The following TMEM196 variants were observed in gnomAD, a reference collection of about 807,000 sequenced individuals.
TMEM196 encodes transmembrane protein 196.
A neutral mutation model predicts 20.0 loss-of-function variants in TMEM196; 17 were observed. That is an observed-to-expected ratio of 0.85 (90% CI 0.58 to 1.27). The LOEUF (loss-of-function observed/expected upper bound fraction) is 1.27. Among genes scored for constraint, TMEM196 ranks in the 50% most tolerant of loss-of-function variants. TMEM196 has a pLI of 0.00. For synonymous variants in TMEM196, 113 were observed against 88.9 expected (o/e 1.27, Z -1.52); for missense variants, 267 against 223.0 (o/e 1.20, Z -1.26).
At chr7:19,739,851 T>A (rs1421897424) in intron 1 of TMEM196, among the ~76,000 whole-genome samples, 1 of 152,194 alleles carries the variant, frequency 6.6e-6, no homozygotes, top group East Asian at 1.9e-4. Context: ...TACTGTTCGA[T>A]AATCTTGGCA....
intron 4 of TMEM196, 44 bp from the exon 5 acceptor site, chr7:19,722,178 T>C (rs777127666): frequency 1.3e-6 from 2 of 1,532,324 alleles, no homozygotes; most frequent in Non-Finnish European, 1.8e-6. Context: ...GCTTTTGGAG[T>C]AAGACATTGT....
chr7:19,773,614 G>A lies in TMEM196; in HGVS notation c.-918C>T, dbSNP rs1785980663. The A allele has an allele frequency of 5.9e-6, 1 of 169,230 alleles. No individual in the cohort carries two copies. Among genetic ancestry groups the A allele is most frequent in the Non-Finnish European group, 1.5e-5 (1 of 68,334 alleles). 10.5% of individuals were successfully genotyped at this position (169,230 alleles called of 1,614,324 possible). ...TTTCTGGGCTTCTATCCAGCGGAGA[G>A]GGGAGGCGATGCCTACGTCAACGCG... On this transcript the variant is annotated 5_prime_UTR_variant, in exon 1 of 5. Transcript: ENST00000405844.
chr7:19,745,843 G>C (rs756768590), intron 1 of TMEM196, among the ~76,000 whole-genome samples: 14 of 150,710 alleles, frequency 9.3e-5, no homozygotes, highest in African/African-American at 1.2e-4. Context: ...GTCCATTGGC[G>C]TATTCTATGG....
rs1783966277 is a variant in TMEM196 at position 19,725,553 on chromosome 7, C to A, written c.420G>T (p.Arg140Ser). ...SYEQRRMFSE[R>S]EHSLHHSHEM... is the part of the protein sequence containing the mutation. The stretch of plus-strand genomic sequence containing the variant: ...CATGAGAGTGATGCAGGGAATGCTC[C>A]CTTTCTGAGAACATCCTCCTCTGTT... The change falls in exon 3 of 5, where the codon AGG (arginine) becomes AGT (serine). Residue 140 changes from arginine to serine, a missense_variant. By Grantham distance (110) the Arg-to-Ser change is moderately radical (BLOSUM62 -1). Coordinates refer to ENST00000405844, the MANE Select transcript of TMEM196 (RefSeq NM_001363562.2). The A allele has an allele frequency of 6.2e-7, 1 of 1,613,384 alleles. No homozygotes were observed. Among genetic ancestry groups the A allele is most frequent in the Admixed American group, 1.7e-5 (1 of 59,978 alleles).
rs750431275 is a variant in TMEM196 at position 19,724,276 on chromosome 7, G to T, written c.533+4C>A. 6 of 1,550,090 alleles carry T rather than the reference G, an allele frequency of 3.9e-6. No homozygotes were observed. In the Admixed American group the frequency reaches 9.8e-5, roughly 25 times the overall value. The stretch of plus-strand genomic sequence containing the variant: ...ACATGGTAACTCCCTAGAAATCAGC[G>T]TACCTTGTAGGTAACTCTGGTGTCG... On this transcript the variant is annotated splice_donor_region_variant and intron_variant, in intron 4 of 4. Coordinates refer to ENST00000405844, the MANE Select transcript of TMEM196 (RefSeq NM_001363562.2).
chr7:19,728,787 C>T lies in TMEM196; in HGVS notation c.204+595G>A, dbSNP rs773112797. On this transcript the variant is annotated intron_variant, in intron 2 of 4. Transcript: ENST00000405844. ...TCAGCATGCAGTGTGGCTCATCCAGCCAATATCAGAGCTAACTGGGAGTGT... is the reference window on the plus strand; with the variant it reads ...TCAGCATGCAGTGTGGCTCATCCAGTCAATATCAGAGCTAACTGGGAGTGT... 1.5e-4 allele frequency among the ~76,000 whole-genome samples: 23 copies of T among 152,166 alleles called. 1 individual carries two copies. The highest frequency in any genetic ancestry group is 2.9e-4 in the Non-Finnish European group (20 of 68,012).
intron 2 of TMEM196, among the ~76,000 whole-genome samples, chr7:19,729,090 CAGATTGGAAAACTAG>C (rs1266253330): frequency 7.9e-5 from 12 of 152,130 alleles, no homozygotes; most frequent in Non-Finnish European, 7.3e-5. Context: ...TGGCAGTCTC[CAGATTGGAAAACTAG>C]AGACTGTCAT....
chr7:19,745,799 C>G (rs1388928717), intron 1 of TMEM196, among the ~76,000 whole-genome samples: 1 of 149,830 alleles, frequency 6.7e-6, no homozygotes, highest in African/African-American at 2.5e-5. Flanking sequence ...GAGACAAAGG[C>G]CACTTCCATG....
intron 4 of TMEM196, among the ~76,000 whole-genome samples, chr7:19,723,390 C>G (rs1359407255): frequency 6.6e-6 from 1 of 152,038 alleles, no homozygotes; most frequent in Admixed American, 6.6e-5. Flanking sequence ...CAATGACTTT[C>G]CACTCAAAAA....
chr7:19,722,219 T>C (rs910019745), intron 4 of TMEM196, 85 bp from the exon 5 acceptor site: 20 of 1,161,722 alleles, frequency 1.7e-5, no homozygotes, highest in Non-Finnish European at 1.5e-5. Flanking sequence ...AACAGAAATT[T>C]CAATCCATTG....
intron 2 of TMEM196, among the ~76,000 whole-genome samples, chr7:19,727,573 A>C (rs1784044516): frequency 6.6e-6 from 1 of 152,154 alleles, no homozygotes; most frequent in Admixed American, 6.5e-5. Flanking sequence ...AGTAGAATTA[A>C]CCAATTATAT....
chr7:19,761,867 C>T (rs987836936), intron 1 of TMEM196, among the ~76,000 whole-genome samples: 4 of 152,204 alleles, frequency 2.6e-5, no homozygotes, highest in African/African-American at 9.7e-5. Context: ...TCTTTCAGTG[C>T]ACAGAACAGA....
intron 3 of TMEM196, among the ~76,000 whole-genome samples, 181 bp from the exon 4 acceptor site, chr7:19,724,534 G>C (rs999035974): frequency 2.6e-5 from 4 of 152,078 alleles, no homozygotes; most frequent in African/African-American, 9.7e-5. Flanking sequence ...ATTATTAACT[G>C]TTTCATGAAG....
In TMEM196 at chr7:19,725,671, T is replaced by C; in HGVS notation, c.302A>G (p.Tyr101Cys). The C allele has an allele frequency of 6.2e-7, 1 of 1,613,732 alleles. No individual in the cohort carries two copies. The highest frequency in any genetic ancestry group is 8.5e-7 in the Non-Finnish European group (1 of 1,179,876). The change falls in exon 3 of 5, where the codon TAC becomes TGC. Residue 101 changes from tyrosine to cysteine, a missense_variant. Coordinates refer to ENST00000405844, the MANE Select transcript of TMEM196 (RefSeq NM_001363562.2). Reference protein sequence around the residue: ...RAVTKKTSSLYPLHLASMSLA... With the variant: ...RAVTKKTSSLCPLHLASMSLA... ...AGACATGGAGGCAAGGTGCAGTGGG[T>C]ATAGGGAGGAAGTTTTCTTTGTGAC... is the stretch of plus-strand genomic sequence containing the variant.
intron 1 of TMEM196, among the ~76,000 whole-genome samples, chr7:19,756,823 G>A (rs73084951): frequency 0.021 from 3,262 of 152,094 alleles, 50 homozygotes; most frequent in Non-Finnish European, 0.03. Flanking sequence ...TATATGAACC[G>A]CATTTTCTTT....
At chr7:19,768,987 C>T (rs1354911456) in intron 1 of TMEM196, among the ~76,000 whole-genome samples, 2 of 152,032 alleles carry the variant, frequency 1.3e-5, no homozygotes, top group Admixed American at 6.6e-5. Flanking sequence ...ATGCACTTGT[C>T]CTAGATAAAA....
intron 1 of TMEM196, among the ~76,000 whole-genome samples, chr7:19,761,757 A>G (rs1293660964): frequency 6.6e-6 from 1 of 152,202 alleles, no homozygotes. Flanking sequence ...TTCGGAAGAA[A>G]TCACCAGACA....
chr7:19,767,490 A>T (rs2128040371), intron 1 of TMEM196, among the ~76,000 whole-genome samples: 1 of 152,144 alleles, frequency 6.6e-6, no homozygotes, highest in East Asian at 1.9e-4. Flanking sequence ...TTTGATGAAA[A>T]TTGGTTTATA....
At chr7:19,754,642 G>A (rs1157151439) in intron 1 of TMEM196, among the ~76,000 whole-genome samples, 2 of 151,094 alleles carry the variant, frequency 1.3e-5, no homozygotes, top group Admixed American at 6.6e-5. Context: ...CTAACTACTC[G>A]TGGCCATGAA....
Sources: allele counts gnomAD v4.1 joint callset (sites outside exome capture counted in the v4.1 genomes callset), GRCh38; gene constraint gnomAD v4.1.1; transcripts MANE v1.5; gene names NCBI Gene and HGNC (gene_info 2026-07-23, HGNC 2026-07-21).